DPY19L4: variants seen among roughly 807,000 people sequenced by gnomAD.
DPY19L4 encodes dpy-19 like 4, also known as probable C-mannosyltransferase DPY19L4.
In DPY19L4, 97 loss-of-function variants were observed where a neutral mutation model predicts 102.8. The ratio of observed to expected loss-of-function variants is 0.94; its 90% CI spans 0.80 to 1.12. The LOEUF (loss-of-function observed/expected upper bound fraction) is 1.12. Ranked by LOEUF, DPY19L4 falls within the 50% of genes most tolerant of loss-of-function variation. The pLI is 0.00. For synonymous variants in DPY19L4, 252 were observed against 283.1 expected (o/e 0.89, Z 1.10); for missense variants, 815 against 850.4 (o/e 0.96, Z 0.52).
chr8:94,789,936 G>T lies in DPY19L4; in HGVS notation c.*26G>T. On this transcript the variant is annotated 3_prime_UTR_variant, in exon 19 of 19. Transcript: ENST00000414645. ...AAAATAACAGAGCCTTCATTTCAAA[G>T]ACTACCTGAAGTAAAATGCAGTTTT... 1 of 1,577,828 alleles carries T rather than the reference G, an allele frequency of 6.3e-7. No individual in the cohort carries two copies. Among genetic ancestry groups the T allele is most frequent in the South Asian group, 1.2e-5 (1 of 83,298 alleles).
chr8:94,749,783 TGAA>T (rs754072893), intron 6 of DPY19L4, among the ~76,000 whole-genome samples: 12 of 152,178 alleles, frequency 7.9e-5, no homozygotes, highest in Non-Finnish European at 1.8e-4. Context: ...TAAGAAACTT[TGAA>T]GAAGAACTTC....
intron 16 of DPY19L4, among the ~76,000 whole-genome samples, chr8:94,782,686 G>A (rs1366751740): frequency 6.6e-6 from 1 of 152,080 alleles, no homozygotes; most frequent in African/African-American, 2.4e-5. Flanking sequence ...TTATAGAATA[G>A]GTATATAGAA....
At chr8:94,744,537 C>T (rs991097914) in intron 6 of DPY19L4, 15 of 456,436 alleles carry the variant, frequency 3.3e-5, no homozygotes, top group Non-Finnish European at 8.8e-6. Flanking sequence ...ATATTAATAC[C>T]AGGAGGCAGG....
At chr8:94,759,707 T>C (rs1812321522) in intron 7 of DPY19L4, among the ~76,000 whole-genome samples, 1 of 151,702 alleles carries the variant, frequency 6.6e-6, no homozygotes, top group Non-Finnish European at 1.5e-5. Flanking sequence ...GGTTTCTCCA[T>C]GGTCAGGCTG....
rs867934496 is a variant in DPY19L4 at position 94,756,058 on chromosome 8, T to C, written c.634T>C (p.Tyr212His). Reference protein sequence around the residue: ...INRVDTTRIEYSIPLRENWAL... With the variant: ...INRVDTTRIEHSIPLRENWAL... ...TAGGGTAGATACAACAAGAATTGAA[T>C]ACTCCATTCCTTTAAGAGAAAACTG... is the stretch of plus-strand genomic sequence containing the variant. The change falls in exon 7 of 19, where the codon TAC becomes CAC. Residue 212 changes from tyrosine to histidine, a missense_variant. By Grantham distance (83) the Tyr-to-His change is moderately conservative. Coordinates refer to ENST00000414645, the MANE Select transcript of DPY19L4 (RefSeq NM_181787.3). 3 of 1,612,238 alleles carry C rather than the reference T, an allele frequency of 1.9e-6. No homozygotes were observed. In the Middle Eastern group the frequency reaches 5.7e-4, roughly 307 times the overall value.
chr8:94,754,453 A>C (rs1217484734), intron 6 of DPY19L4, among the ~76,000 whole-genome samples: 2 of 152,164 alleles, frequency 1.3e-5, no homozygotes, highest in African/African-American at 4.8e-5. Flanking sequence ...ACAATTCAGT[A>C]GTTCCTGATT....
chr8:94,778,076 C>CA (rs1256255978), intron 14 of DPY19L4, among the ~76,000 whole-genome samples: 9 of 150,836 alleles, frequency 6.0e-5, no homozygotes, highest in South Asian at 2.1e-4. Flanking sequence ...ACTTAAAATA[C>CA]AAAAAAAAAT....
chr8:94,754,458 C>T (rs1302934983), intron 6 of DPY19L4, among the ~76,000 whole-genome samples: 1 of 152,052 alleles, frequency 6.6e-6, no homozygotes, highest in East Asian at 1.9e-4. Context: ...TCAGTAGTTC[C>T]TGATTGGTGT....
At chr8:94,739,590 C>A in intron 5 of DPY19L4, 55 bp from the exon 6 acceptor site, 1 of 1,602,160 alleles carries the variant, frequency 6.2e-7, no homozygotes, top group Non-Finnish European at 8.5e-7. Context: ...CATGAATCCT[C>A]AAATTATTTA....
chr8:94,773,888 A>G (rs1813047478), intron 13 of DPY19L4, among the ~76,000 whole-genome samples: 1 of 150,126 alleles, frequency 6.7e-6, no homozygotes. Flanking sequence ...AAAAAAAAAA[A>G]GCCAGGCATG....
intron 2 of DPY19L4, among the ~76,000 whole-genome samples, chr8:94,731,659 G>A (rs1057380814): frequency 1.3e-5 from 2 of 152,102 alleles, no homozygotes; most frequent in Non-Finnish European, 2.9e-5. Flanking sequence ...CAGGTGATCC[G>A]CCCACCTCAG....
At chr8:94,742,250 C>T (rs192104862) in intron 6 of DPY19L4, among the ~76,000 whole-genome samples, 3,097 of 151,666 alleles carry the variant, frequency 0.02, 103 homozygotes, top group African/African-American at 0.071. Flanking sequence ...CCCAGCTACT[C>T]GGGAGGCTGA....
At chr8:94,735,179 C>G (rs988501604) in intron 3 of DPY19L4, among the ~76,000 whole-genome samples, 4 of 152,170 alleles carry the variant, frequency 2.6e-5, no homozygotes, top group Non-Finnish European at 5.9e-5. Context: ...TCTCATATTA[C>G]TGTGTTTAGT....
chr8:94,746,888 T>C (rs1287004888), intron 6 of DPY19L4, among the ~76,000 whole-genome samples: 1 of 152,200 alleles, frequency 6.6e-6, no homozygotes. Context: ...GCTTTCTTTC[T>C]TTCTTTTTCT....
chr8:94,785,803 A>C (rs750607370), intron 17 of DPY19L4, among the ~76,000 whole-genome samples: 5 of 152,248 alleles, frequency 3.3e-5, no homozygotes, highest in African/African-American at 1.2e-4. Flanking sequence ...GCTTAGGCAG[A>C]ATATAGACAG....
At chr8:94,737,917 C>T (rs1811257116) in intron 3 of DPY19L4, among the ~76,000 whole-genome samples, 1 of 152,144 alleles carries the variant, frequency 6.6e-6, no homozygotes, top group South Asian at 2.1e-4. Flanking sequence ...GTCCTAGCTA[C>T]TGGGTAGCTG....
chr8:94,731,908 C>A (rs945471390), intron 2 of DPY19L4, among the ~76,000 whole-genome samples: 2 of 152,104 alleles, frequency 1.3e-5, no homozygotes, highest in African/African-American at 4.8e-5. Context: ...GCTGGGACTA[C>A]AGGTGCCCGC....
In DPY19L4 at chr8:94,726,350, C is replaced by T; in HGVS notation, c.36C>T (p.Arg12=). ...TTTAAGGACCACCTGTAGAGCTGCG[C>T]CAAAGAAAAAAGCCAAAGTCTTCAG... ...AEEEGPPVEL[R]QRKKPKSSEN... The change falls in exon 2 of 19, where the codon CGC becomes CGT. Residue 12 remains arginine, a synonymous_variant. Transcript: ENST00000414645. 2 of 1,609,764 alleles carry T rather than the reference C, an allele frequency of 1.2e-6. No homozygotes were observed. The highest frequency in any genetic ancestry group is 1.7e-6 in the Non-Finnish European group (2 of 1,178,986).
Position 94,756,115 on chromosome 8 carries a change from G to T in DPY19L4, c.691G>T (p.Ala231Ser). The T allele has an allele frequency of 6.2e-7, 1 of 1,613,750 alleles. No homozygotes were observed. Among genetic ancestry groups the T allele is most frequent in the Non-Finnish European group, 8.5e-7 (1 of 1,179,876 alleles). ...ACCATATTTTGCATGCCAAATTGCTGCACTTACAGGCTATTTAAAAAGCAA... is the reference window on the plus strand; with the variant it reads ...ACCATATTTTGCATGCCAAATTGCTTCACTTACAGGCTATTTAAAAAGCAA... ...ALPYFACQIAALTGYLKSNLN... is the reference protein window; with the variant it reads ...ALPYFACQIASLTGYLKSNLN... The change falls in exon 7 of 19, where the codon GCA (alanine) becomes TCA (serine). Residue 231 changes from alanine (A) to serine (S), a missense_variant. Transcript: ENST00000414645.
Sources: allele counts gnomAD v4.1 joint callset (sites outside exome capture counted in the v4.1 genomes callset), GRCh38; gene constraint gnomAD v4.1.1; transcripts MANE v1.5; gene names NCBI Gene and HGNC (gene_info 2026-07-23, HGNC 2026-07-21).